Variants in PCDH15 observed in about 807,000 individuals in gnomAD.
PCDH15 encodes protocadherin-15.
In PCDH15, 129 loss-of-function variants were observed where a neutral mutation model predicts 178.5. The observed-to-expected ratio is 0.72, with a 90% CI of 0.63 to 0.84. The LOEUF (loss-of-function observed/expected upper bound fraction) is 0.84. Ranked by LOEUF, PCDH15 falls within the 40% of genes least tolerant of loss-of-function variation. The probability of loss-of-function intolerance (pLI) is 0.00; values close to 1 mark genes in which losing one functional copy is unlikely to be tolerated. For missense variants in PCDH15, 2,230 were observed against 2,099.9 expected, an observed-to-expected ratio of 1.06 and a Z score of -1.21; for synonymous variants, 800 against 732.0, an observed-to-expected ratio of 1.09 and a Z score of -1.50.
chr10:55,361,969 A>G (rs533746481), intron 2 of PCDH15, among the ~76,000 whole-genome samples: 16 of 152,198 alleles, frequency 1.1e-4, no homozygotes, highest in African/African-American at 3.6e-4. Context: ...TTGTGGAGAA[A>G]ATCTCCTTTC....
intron 1 of PCDH15, among the ~76,000 whole-genome samples, chr10:55,257,828 A>G (rs1329798573): frequency 3.9e-5 from 6 of 152,178 alleles, no homozygotes; most frequent in Non-Finnish European, 5.9e-5. Flanking sequence ...AACTTCCCCA[A>G]TCTAGCAAGG....
intron 3 of PCDH15, among the ~76,000 whole-genome samples, chr10:54,887,386 G>C (rs575284303): frequency 1.3e-5 from 2 of 152,012 alleles, no homozygotes; most frequent in Non-Finnish European, 2.9e-5. Context: ...ACTTGATATA[G>C]ACACAATGTT....
At chr10:54,160,428 C>T (rs535687291) in intron 13 of PCDH15, among the ~76,000 whole-genome samples, 1 of 152,162 alleles carries the variant, frequency 6.6e-6, no homozygotes, top group Admixed American at 6.5e-5. Flanking sequence ...ACTCAAAATG[C>T]ATCACAGACC....
In PCDH15 at chr10:54,500,758, C is replaced by G. The variant is rs141159332; in HGVS notation, c.157+27054G>C. 9.9e-5 allele frequency among the ~76,000 whole-genome samples: 15 copies of G among 152,034 alleles called. No homozygotes were observed. In the East Asian group the frequency reaches 2.9e-3, roughly 30 times the overall value. ...GGCAGAAGAATCACTTGAACCCAGG[C>G]AAGAGAGGTTGCTGAGATCATGCCA... On this transcript the variant is annotated intron_variant, in intron 3 of 37. Coordinates refer to ENST00000644397, the MANE Select transcript of PCDH15 (RefSeq NM_001384140.1).
chr10:54,040,936 G>C (rs558638137), intron 18 of PCDH15, among the ~76,000 whole-genome samples: 2 of 152,000 alleles, frequency 1.3e-5, no homozygotes, highest in Non-Finnish European at 2.9e-5. Context: ...GTGGTTGCAG[G>C]TAACTTTTAA....
chr10:55,427,609 T>C (rs1298554163), intron 2 of PCDH15, among the ~76,000 whole-genome samples: 2 of 152,210 alleles, frequency 1.3e-5, no homozygotes, highest in Non-Finnish European at 2.9e-5. Flanking sequence ...AGTTTGCACA[T>C]GATCGAATGC....
chr10:54,428,103 AAC>A (rs1471632023), intron 3 of PCDH15, among the ~76,000 whole-genome samples: 9 of 152,222 alleles, frequency 5.9e-5, no homozygotes, highest in African/African-American at 1.9e-4. Context: ...TCTTCATGGG[AAC>A]ACATCAATCC....
At chr10:53,875,331 T>C (rs1291259021) in intron 26 of PCDH15, among the ~76,000 whole-genome samples, 1 of 90,228 alleles carries the variant, frequency 1.1e-5, no homozygotes, top group Non-Finnish European at 2.5e-5. Context: ...ATTTTAGTAA[T>C]GGCATAAATA....
At chr10:54,939,416 A>G (rs1354200411) in intron 2 of PCDH15, among the ~76,000 whole-genome samples, 1 of 139,058 alleles carries the variant, frequency 7.2e-6, no homozygotes, top group African/African-American at 2.6e-5. Context: ...AATGGCATGA[A>G]CCCGGGAGGC....
chr10:53,992,737 A>T (rs746632647), intron 21 of PCDH15, among the ~76,000 whole-genome samples: 2 of 152,234 alleles, frequency 1.3e-5, no homozygotes, highest in African/African-American at 2.4e-5. Flanking sequence ...AATTTCAAAA[A>T]TGATCAGTCA....
intron 2 of PCDH15, among the ~76,000 whole-genome samples, chr10:55,401,594 C>CTGTGTGTGTG (rs3074786): frequency 0.024 from 3,256 of 133,124 alleles, 92 homozygotes; most frequent in African/African-American, 0.053. Context: ...ATTTGCCTTA[C>CTGTGTGTGTG]TGTGTGTGTG....
chr10:55,198,697 G>A (rs79308645), intron 1 of PCDH15, among the ~76,000 whole-genome samples: 1,750 of 150,388 alleles, frequency 0.012, 33 homozygotes, highest in African/African-American at 0.036. Context: ...GGGTTTCACC[G>A]TGGTCTCGAT....
chr10:53,855,904 G>GTATGTATATATATATATATATATATA (rs147606526), intron 28 of PCDH15, among the ~76,000 whole-genome samples: 13 of 109,694 alleles, frequency 1.2e-4, no homozygotes, highest in East Asian at 1.0e-3. Flanking sequence ...AAGGTGATAT[G>GTATGTATATATATATATATATATATA]TATATATATA....
At chr10:54,970,577 T>C (rs1838906579) in intron 2 of PCDH15, among the ~76,000 whole-genome samples, 1 of 151,478 alleles carries the variant, frequency 6.6e-6, no homozygotes, top group Non-Finnish European at 1.5e-5. Context: ...CATTTACCCA[T>C]GGTTAACTTT....
chr10:54,008,640 C>G (rs1000233990), intron 20 of PCDH15, among the ~76,000 whole-genome samples: 1 of 152,306 alleles, frequency 6.6e-6, no homozygotes, highest in East Asian at 1.9e-4. Context: ...ACCACACCCT[C>G]ATCAGAGAAA....
At chr10:54,622,731 AATTAT>A (rs2093423791) in intron 2 of PCDH15, among the ~76,000 whole-genome samples, 1 of 35,052 alleles carries the variant, frequency 2.9e-5, no homozygotes, top group Non-Finnish European at 6.1e-5. Context: ...TATATTATAT[AATTAT>A]ATATATATTA....
At chr10:54,598,525 TG>T (rs1241150282) in intron 2 of PCDH15, among the ~76,000 whole-genome samples, 1 of 152,098 alleles carries the variant, frequency 6.6e-6, no homozygotes, top group Admixed American at 6.6e-5. Context: ...TCAGACTGAA[TG>T]GGCAAAAGCT....
At chr10:54,638,816 A>G (rs1024741735) in intron 2 of PCDH15, among the ~76,000 whole-genome samples, 3 of 152,152 alleles carry the variant, frequency 2.0e-5, no homozygotes, top group Non-Finnish European at 4.4e-5. Context: ...GCGGATAAAG[A>G]AAACATGGTA....
At chr10:53,820,054 C>T (rs2076201348) in intron 33 of PCDH15, 111 bp downstream of exon 33, 1 of 393,202 alleles carries the variant, frequency 2.5e-6, no homozygotes, top group East Asian at 3.6e-5. Flanking sequence ...TCTTTTGTTA[C>T]TATTTATAGA....
Sources: gnomAD v4.1 joint callset for allele counts (sites outside exome capture counted in the v4.1 genomes callset) on GRCh38, gnomAD v4.1.1 for gene constraint, MANE v1.5 for transcripts, NCBI Gene and HGNC (gene_info 2026-07-23, HGNC 2026-07-21) for gene names.